Variants in ATP8B3 observed in about 807,000 individuals in gnomAD.
The protein encoded by ATP8B3 is phospholipid-transporting ATPase IK.
A neutral mutation model predicts 140.9 loss-of-function variants in ATP8B3; 141 were observed. The ratio of observed to expected loss-of-function variants is 1.00; its 90% CI spans 0.87 to 1.15. The LOEUF is 1.15. Among genes scored for constraint, ATP8B3 ranks in the 50% most tolerant of loss-of-function variants. The pLI, the probability that ATP8B3 is intolerant of heterozygous loss-of-function variation, is 0.00. For synonymous variants in ATP8B3, 765 were observed against 714.6 expected, an observed-to-expected ratio of 1.07 and a Z score of -1.13; for missense variants, 1,874 against 1,740.6, an observed-to-expected ratio of 1.08 and a Z score of -1.36.
rs762028813 is a variant in ATP8B3, at chr19:1,811,607, G to A, written c.130C>T (p.Arg44Cys). The change falls in exon 2 of 29, where the codon CGC (arginine) becomes TGC (cysteine). Residue 44 changes from arginine to cysteine, a missense_variant. Around this residue, in one of 3 missense-constraint regions of ATP8B3, gnomAD observed 1,032 missense variants for 963.6 expected, o/e 1.07. Coordinates refer to ENST00000310127, the MANE Select transcript of ATP8B3 (RefSeq NM_138813.4). The stretch of plus-strand genomic sequence containing the variant: ...GCTCTGATCACCGTCTCACCTCCGC[G>A]GATGCCAGCAGGACCTGAGCCTTCC... ...TQEGSGPAGI[R>C]GGETVIRAGM... 96 of 1,611,974 alleles carry A rather than the reference G, an allele frequency of 6.0e-5. No individual in the cohort carries two copies. Among genetic ancestry groups the A allele is most frequent in the Non-Finnish European group, 6.4e-5 (76 of 1,179,780 alleles).
chr19:1,791,880 A>G lies in ATP8B3; in HGVS notation c.2191-19T>C. 1.9e-6 allele frequency: 3 copies of G among 1,608,980 alleles called. No individual in the cohort carries two copies. The highest frequency in any genetic ancestry group is 1.1e-5 in the South Asian group (1 of 91,008). ...CCAGCAGCTGGTGGGGGAGGAGGGC[A>G]GGGCGGGGAAGATGCTGAGCAGCCG... On this transcript the variant is annotated intron_variant, in intron 19 of 28. Transcript: ENST00000310127.
At position 1,800,052 on chromosome 19, in the gene ATP8B3, T is replaced by G. The variant is rs1164369795; in HGVS notation, c.1447A>C (p.Asn483His). 1 of 1,597,202 alleles carries G rather than the reference T, an allele frequency of 6.3e-7. No homozygotes were observed. The highest frequency in any genetic ancestry group is 1.1e-5 in the South Asian group (1 of 88,492). Residue 483 changes from asparagine to histidine, a missense_variant, in exon 14 of 29, where the codon AAC becomes CAC. By Grantham distance (68) the Asn-to-His change is moderately conservative (BLOSUM62 1). This residue lies in a region of ATP8B3 where 1,032 missense variants were observed against 963.6 expected (regional missense o/e 1.07). Coordinates refer to ENST00000310127, the MANE Select transcript of ATP8B3 (RefSeq NM_138813.4). This position sits in a 1 kb window ranked among gnomAD's most constrained non-coding sequence, Gnocchi z 4.4. ...VPAKARSTSL[N>H]DHLGQVEYIF... ...TATTCCACCTGGCCCAGGTGGTCGT[T>G]GAGGCTGGTGCTGCGGGCCTTGGCA...
intron 10 of ATP8B3, among the ~76,000 whole-genome samples, chr19:1,804,859 G>C (rs1231303722): frequency 6.6e-6 from 1 of 152,256 alleles, no homozygotes; most frequent in East Asian, 1.9e-4. Context: ...TCAGCACTCT[G>C]TTCTCAGAGG....
intron 10 of ATP8B3, among the ~76,000 whole-genome samples, chr19:1,803,896 C>CAAAAAAAAAAAA (rs56937286): frequency 1.4e-5 from 1 of 72,404 alleles, no homozygotes; most frequent in Non-Finnish European, 2.8e-5. Flanking sequence ...GACTCTGTCT[C>CAAAAAAAAAAAA]AAAAAAAAAA....
chr19:1,797,056 G>A (rs2068702772), intron 14 of ATP8B3, 51 bp from the exon 15 acceptor site: 2 of 1,611,558 alleles, frequency 1.2e-6, no homozygotes, highest in Admixed American at 1.7e-5. Context: ...CCCCCATTCG[G>A]GATCCCATAG....
intron 16 of ATP8B3, 38 bp downstream of exon 16, chr19:1,796,673 C>A (rs1445550738): frequency 1.9e-6 from 3 of 1,592,696 alleles, no homozygotes; most frequent in Non-Finnish European, 2.6e-6. Flanking sequence ...GCCCCGGGGG[C>A]TGAGCGGCCT....
chr19:1,783,028 T>C lies in ATP8B3; in HGVS notation c.3903A>G (p.Ter1301TrpextTer245), dbSNP rs60482625. The C allele has an allele frequency of 0.054, 86,248 of 1,601,752 alleles. 3,416 individuals are homozygous for C. The highest frequency in any genetic ancestry group is 0.19 in the African/African-American group (14,301 of 74,622). The change falls in exon 29 of 29, where the codon TGA becomes TGG. Residue 1301 changes from the stop codon to tryptophan, a stop_lost. Transcript: ENST00000310127. ...EAASSPKESQ[*>W] ...CCAGGAAGGACATCTTCCTGAGGTGTCACTGTGACTCTTTTGGGCTCGAAG... is the reference window on the plus strand; with the variant it reads ...CCAGGAAGGACATCTTCCTGAGGTGCCACTGTGACTCTTTTGGGCTCGAAG...
chr19:1,801,651 C>A (rs2068848929), intron 12 of ATP8B3, among the ~76,000 whole-genome samples: 1 of 152,084 alleles, frequency 6.6e-6, no homozygotes, highest in Non-Finnish European at 1.5e-5. Context: ...ACTCGAGGGG[C>A]TGAGGCAGGA....
rs765725935 is a variant in ATP8B3 at position 1,796,204 on chromosome 19, G to A, written c.1815C>T (p.Asn605=). 4 of 1,612,810 alleles carry A rather than the reference G, an allele frequency of 2.5e-6. No individual in the cohort carries two copies. The highest frequency in any genetic ancestry group is 1.1e-5 in the South Asian group (1 of 91,084). ...DEGALVTAAR[N]FGYVFLSRTQ... The stretch of plus-strand genomic sequence containing the variant: ...TGCGGGACAGGAACACGTAGCCGAA[G>A]TTCCGGGCTGCGGTGACCAGCGCCC... The change falls in exon 17 of 29, where the codon AAC becomes AAT. Residue 605 remains asparagine (N), a synonymous_variant. Coordinates refer to ENST00000310127, the MANE Select transcript of ATP8B3 (RefSeq NM_138813.4).
chr19:1,790,927 A>C, intron 20 of ATP8B3, 95 bp from the exon 21 acceptor site: 1 of 1,009,962 alleles, frequency 9.9e-7, no homozygotes, highest in Non-Finnish European at 1.4e-6. Flanking sequence ...TGGCCCGACC[A>C]ATGGCAGCCA....
intron 24 of ATP8B3, 105 bp from the exon 25 acceptor site, chr19:1,787,291 G>T: frequency 1.1e-6 from 1 of 883,782 alleles, no homozygotes. Flanking sequence ...AACTCTGGTC[G>T]AGTTACACTC....
chr19:1,810,533 G>C, intron 3 of ATP8B3, 89 bp downstream of exon 3: 1 of 1,331,432 alleles, frequency 7.5e-7, no homozygotes, highest in Non-Finnish European at 1.0e-6. Flanking sequence ...CAAAGTGCCG[G>C]GATTACAGGG....
At chr19:1,783,304 C>A (rs758679297) in intron 28 of ATP8B3, 34 bp from the exon 29 acceptor site, 1 of 1,591,908 alleles carries the variant, frequency 6.3e-7, no homozygotes, top group South Asian at 1.1e-5. Context: ...GGGAAGCAGA[C>A]TCCTATGCTT....
At position 1,806,699 on chromosome 19, in the gene ATP8B3, G is replaced by A. The variant is rs746176769; in HGVS notation, c.616-10C>T. ...CACTCTTGTGTCTCCCCTGGGCCAGGAGGGAAAGGATCAGAGAGACCGTCC... is the reference window on the plus strand; with the variant it reads ...CACTCTTGTGTCTCCCCTGGGCCAGAAGGGAAAGGATCAGAGAGACCGTCC... On this transcript the variant is annotated splice_polypyrimidine_tract_variant and intron_variant, in intron 6 of 28. Coordinates refer to ENST00000310127, the MANE Select transcript of ATP8B3 (RefSeq NM_138813.4). This position sits in a 1 kb window ranked among gnomAD's most constrained non-coding sequence, Gnocchi z 5.6. 1.0e-4 allele frequency: 158 copies of A among 1,558,620 alleles called. No individual in the cohort carries two copies. In the East Asian group the frequency reaches 3.8e-3, roughly 37 times the overall value.
At chr19:1,788,591 A>G (rs966408361) in intron 24 of ATP8B3, among the ~76,000 whole-genome samples, 1 of 152,228 alleles carries the variant, frequency 6.6e-6, no homozygotes, top group Admixed American at 6.5e-5. Flanking sequence ...CGGAGGCTGC[A>G]GTGAGCCGAG....
rs2069028816 is a variant in ATP8B3 at position 1,806,581 on chromosome 19, G to A, written c.677+47C>T. The A allele has an allele frequency of 1.3e-6, 2 of 1,549,130 alleles. No homozygotes were observed. The highest frequency in any genetic ancestry group is 2.7e-5 in the African/African-American group (2 of 72,992). ...CCGAGGCCGATGACCCTGCTGGGCT[G>A]GAGCCCCCGTGTCCCCGCGGATCCC... is the stretch of plus-strand genomic sequence containing the variant. On this transcript the variant is annotated intron_variant, in intron 7 of 28. Transcript: ENST00000310127. The surrounding 1 kb of genome is among the most constrained non-coding windows in gnomAD (Gnocchi z 5.6).
Position 1,800,428 on chromosome 19 carries a change from C to G in ATP8B3, c.1174G>C (p.Val392Leu). The G allele has an allele frequency of 1.9e-6, 3 of 1,585,392 alleles. No individual in the cohort carries two copies. The highest frequency in any genetic ancestry group is 2.6e-6 in the Non-Finnish European group (3 of 1,162,978). ...AAGCCGAAGGCCAACACCAGGCAGA[C>G]AAGCACCACGGAGATGAAGATCTGG... is the stretch of plus-strand genomic sequence containing the variant. ...VVVIFISVVL[V>L]CLVLAFGFGF... Residue 392 changes from valine (V) to leucine (L), a missense_variant, in exon 13 of 29, where the codon GTC becomes CTC. Coordinates refer to ENST00000310127, the MANE Select transcript of ATP8B3 (RefSeq NM_138813.4). This position sits in a 1 kb window ranked among gnomAD's most constrained non-coding sequence, Gnocchi z 4.4.
chr19:1,797,540 C>CCCCCTCCAAAGGAAACCAGG, intron 14 of ATP8B3, among the ~76,000 whole-genome samples: 1 of 151,510 alleles, frequency 6.6e-6, no homozygotes, highest in African/African-American at 2.4e-5. Flanking sequence ...TGCTCTGTCG[C>CCCCCTCCAAAGGAAACCAGG]CCAGACTGGA....
chr19:1,801,151 T>TTA (rs1600455321), intron 12 of ATP8B3, among the ~76,000 whole-genome samples: 2 of 150,554 alleles, frequency 1.3e-5, no homozygotes, highest in East Asian at 2.0e-4. Flanking sequence ...TTATTTTTAT[T>TTA]TTTATTTATT....
Sources: allele counts gnomAD v4.1 joint callset (sites outside exome capture counted in the v4.1 genomes callset), GRCh38; gene constraint gnomAD v4.1.1; regional missense constraint gnomAD v4.1.1; non-coding constraint Gnocchi (gnomAD v3.1); transcripts MANE v1.5; gene names NCBI Gene and HGNC (gene_info 2026-07-23, HGNC 2026-07-21).